PLA2G4A: variants seen among roughly 807,000 people sequenced by gnomAD.
The protein encoded by PLA2G4A is phospholipase A2 group IVA.
A neutral mutation model predicts 81.9 loss-of-function variants in PLA2G4A; 40 were observed. The ratio of observed to expected loss-of-function variants is 0.49; its 90% confidence interval spans 0.38 to 0.64. The LOEUF (loss-of-function observed/expected upper bound fraction) is 0.64. PLA2G4A is among the 30% of genes least tolerant of loss of function. PLA2G4A has a pLI of 0.00. For missense variants in PLA2G4A, 715 were observed against 905.1 expected (o/e 0.79, Z 2.69); for synonymous variants, 302 against 296.9 (o/e 1.02, Z -0.18).
chr1:186,849,706 T>G (rs186286467), intron 1 of PLA2G4A, among the ~76,000 whole-genome samples: 1 of 152,248 alleles, frequency 6.6e-6, no homozygotes, highest in East Asian at 1.9e-4. Context: ...GTTTCTGCAT[T>G]TTACTTGTTT....
chr1:186,872,868 T>G (rs1246922759), intron 3 of PLA2G4A, among the ~76,000 whole-genome samples: 3 of 152,116 alleles, frequency 2.0e-5, no homozygotes, highest in Admixed American at 1.3e-4. Context: ...AGACTCTTAA[T>G]TTTAGAAGCT....
chr1:186,838,177 A>G (rs1345221473), intron 1 of PLA2G4A, among the ~76,000 whole-genome samples: 1 of 152,120 alleles, frequency 6.6e-6, no homozygotes, highest in African/African-American at 2.4e-5. Context: ...GGGTTTTGAG[A>G]ATATGGACTT....
At chr1:186,894,349 T>C (rs1259748879) in intron 5 of PLA2G4A, 138 bp downstream of exon 5, 1 of 635,696 alleles carries the variant, frequency 1.6e-6, no homozygotes, top group Non-Finnish European at 2.8e-6. Flanking sequence ...AATTTTGTTT[T>C]TCTTTTTACT....
At chr1:186,972,025 T>G (rs1331906812) in intron 15 of PLA2G4A, among the ~76,000 whole-genome samples, 10 of 152,086 alleles carry the variant, frequency 6.6e-5, no homozygotes. Context: ...TAGCACTTCG[T>G]GTAGTTAAAT....
intron 1 of PLA2G4A, among the ~76,000 whole-genome samples, chr1:186,846,697 G>C (rs1418670276): frequency 6.6e-6 from 1 of 152,066 alleles, no homozygotes; most frequent in Non-Finnish European, 1.5e-5. Flanking sequence ...CACATTTAAT[G>C]TTATTGGAAG....
At chr1:186,939,360 A>G (rs1238437670) in intron 9 of PLA2G4A, 130 bp downstream of exon 9, 3 of 473,956 alleles carry the variant, frequency 6.3e-6, no homozygotes, top group East Asian at 6.9e-5. Flanking sequence ...TTGTCCAACT[A>G]TGCGTACTGA....
At chr1:186,831,201 A>G (rs935723286) in intron 1 of PLA2G4A, among the ~76,000 whole-genome samples, 1 of 152,112 alleles carries the variant, frequency 6.6e-6, no homozygotes, top group Non-Finnish European at 1.5e-5. Context: ...CCCAAAGACA[A>G]TTCATATTAC....
intron 3 of PLA2G4A, among the ~76,000 whole-genome samples, chr1:186,887,570 G>T (rs1347693304): frequency 1.3e-5 from 2 of 152,056 alleles, no homozygotes; most frequent in Non-Finnish European, 2.9e-5. Flanking sequence ...TGTAAAAGGG[G>T]TTTTTGCCCA....
chr1:186,845,998 C>G (rs1652159996), intron 1 of PLA2G4A, among the ~76,000 whole-genome samples: 1 of 152,172 alleles, frequency 6.6e-6, no homozygotes, highest in Non-Finnish European at 1.5e-5. Context: ...TGTACACTCA[C>G]TAAGACTGGT....
chr1:186,973,480 A>G (rs1222534533), intron 15 of PLA2G4A, among the ~76,000 whole-genome samples: 6 of 152,222 alleles, frequency 3.9e-5, no homozygotes, highest in Non-Finnish European at 5.9e-5. Context: ...AAATAAGGTC[A>G]TATTCACAGG....
At chr1:186,873,398 C>T (rs1258797622) in intron 3 of PLA2G4A, among the ~76,000 whole-genome samples, 1 of 151,958 alleles carries the variant, frequency 6.6e-6, no homozygotes, top group East Asian at 1.9e-4. Flanking sequence ...CTGTGAAGAC[C>T]AGGATCGCAG....
chr1:186,861,729 T>C (rs1309141219), intron 2 of PLA2G4A, among the ~76,000 whole-genome samples: 1 of 152,080 alleles, frequency 6.6e-6, no homozygotes, highest in African/African-American at 2.4e-5. Flanking sequence ...AATTCTAATG[T>C]TGGAGTCTGG....
At chr1:186,969,873 G>C (rs1228824101) in intron 15 of PLA2G4A, among the ~76,000 whole-genome samples, 2 of 151,876 alleles carry the variant, frequency 1.3e-5, no homozygotes, top group Non-Finnish European at 2.9e-5. Flanking sequence ...ATCAGCATGG[G>C]AGTACAAATA....
intron 8 of PLA2G4A, among the ~76,000 whole-genome samples, chr1:186,934,463 T>TACACACACACAC (rs1553216897): frequency 1.4e-5 from 2 of 143,480 alleles, no homozygotes; most frequent in African/African-American, 5.1e-5. Context: ...TATATATATA[T>TACACACACACAC]ACATACACAG....
At chr1:186,880,590 T>C (rs906766553) in intron 3 of PLA2G4A, among the ~76,000 whole-genome samples, 1 of 152,066 alleles carries the variant, frequency 6.6e-6, no homozygotes, top group African/African-American at 2.4e-5. Flanking sequence ...TGGCCCAAAA[T>C]GTCAATAGCA....
At chr1:186,836,884 A>T (rs1651796302) in intron 1 of PLA2G4A, among the ~76,000 whole-genome samples, 1 of 152,228 alleles carries the variant, frequency 6.6e-6, no homozygotes. Context: ...AGAGAATAAC[A>T]TGCAAAGGCG....
At chr1:186,958,710 G>C (rs1320799530) in intron 14 of PLA2G4A, among the ~76,000 whole-genome samples, 2 of 151,996 alleles carry the variant, frequency 1.3e-5, no homozygotes, top group Non-Finnish European at 2.9e-5. Flanking sequence ...TTTTCTTTGT[G>C]TATACTTTAT....
At position 186,950,697 on chromosome 1, in the gene PLA2G4A, G is replaced by A. The variant is rs761786092; in HGVS notation, c.1305G>A (p.Ser435=). Residue 435 remains serine, a synonymous_variant, in exon 13 of 18, where the codon TCG becomes TCA. Coordinates refer to ENST00000367466, the MANE Select transcript of PLA2G4A (RefSeq NM_024420.3). ...TTKHIVSNDS[S]DSDDESHEPK... The stretch of plus-strand genomic sequence containing the variant: ...AGCATATTGTGAGTAATGATAGCTC[G>A]GACAGTGATGATGAATCACACGAAC... 9 of 1,604,558 alleles carry A rather than the reference G, an allele frequency of 5.6e-6. No individual in the cohort carries two copies. Among genetic ancestry groups the A allele is most frequent in the Admixed American group, 5.0e-5 (3 of 59,888 alleles).
chr1:186,889,586 A>G (rs776159392), intron 3 of PLA2G4A, among the ~76,000 whole-genome samples: 2 of 152,226 alleles, frequency 1.3e-5, no homozygotes, highest in Non-Finnish European at 2.9e-5. Context: ...GCTGATGACT[A>G]CATAAAGAAC....
Sources: gnomAD v4.1 joint callset for allele counts (sites outside exome capture counted in the v4.1 genomes callset) on GRCh38, gnomAD v4.1.1 for gene constraint, MANE v1.5 for transcripts, NCBI Gene and HGNC (gene_info 2026-07-23, HGNC 2026-07-21) for gene names.